Variants in ATP2B1 observed in about 807,000 individuals in gnomAD.
The protein encoded by ATP2B1 is ATPase plasma membrane Ca2+ transporting 1.
In ATP2B1, 14 loss-of-function variants were observed where a neutral mutation model predicts 124.2. That is an observed-to-expected ratio of 0.11 (90% CI 0.07 to 0.18). The LOEUF (loss-of-function observed/expected upper bound fraction) is 0.18, where lower values mean the gene tolerates loss of function less well. Among genes scored for constraint, ATP2B1 ranks in the 10% least tolerant of loss-of-function variants. ATP2B1 has a pLI of 1.00. For missense variants in ATP2B1, 763 were observed against 1,466.1 expected (o/e 0.52, Z 7.83); for synonymous variants, 449 against 492.4 (o/e 0.91, Z 1.17).
chr12:89,685,080 GTATTT>G (rs1565913363), intron 1 of ATP2B1, among the ~76,000 whole-genome samples: 2 of 152,080 alleles, frequency 1.3e-5, no homozygotes, highest in African/African-American at 4.8e-5. Flanking sequence ...CGCCATTGCC[GTATTT>G]TATTGTGACA....
intron 16 of ATP2B1, 107 bp downstream of exon 16, chr12:89,604,048 C>T: frequency 3.6e-6 from 5 of 1,399,090 alleles, no homozygotes; most frequent in Non-Finnish European, 4.8e-6. Context: ...TATTAACTAA[C>T]CTAAAATATT....
chr12:89,654,042 A>T (rs532650057), intron 2 of ATP2B1, among the ~76,000 whole-genome samples: 1 of 152,180 alleles, frequency 6.6e-6, no homozygotes, highest in Non-Finnish European at 1.5e-5. Context: ...GATGATGATA[A>T]AACAATGAGA....
chr12:89,599,395 T>A, intron 19 of ATP2B1, 96 bp from the exon 20 acceptor site: 1 of 1,307,020 alleles, frequency 7.7e-7, no homozygotes, highest in Non-Finnish European at 1.0e-6. Flanking sequence ...GGTGAGAGTA[T>A]CCGACTATCT....
intron 1 of ATP2B1, among the ~76,000 whole-genome samples, chr12:89,698,974 T>C (rs533597176): frequency 4.6e-5 from 7 of 152,306 alleles, no homozygotes; most frequent in Admixed American, 6.5e-5. Flanking sequence ...TCCAGCCTTC[T>C]GCAAGGATGA....
intron 1 of ATP2B1, among the ~76,000 whole-genome samples, chr12:89,702,406 T>C (rs1413831184): frequency 1.3e-5 from 2 of 152,056 alleles, no homozygotes; most frequent in East Asian, 1.9e-4. Context: ...CAAAAGAAAA[T>C]TCTGGCACAA....
chr12:89,612,481 C>T (rs1008121749), intron 12 of ATP2B1, among the ~76,000 whole-genome samples: 4 of 151,828 alleles, frequency 2.6e-5, no homozygotes, highest in African/African-American at 9.7e-5. Flanking sequence ...CTATTTAGCT[C>T]TAGCCTATTT....
intron 3 of ATP2B1, 155 bp downstream of exon 3, chr12:89,642,003 A>T: frequency 1.4e-6 from 1 of 739,006 alleles, no homozygotes; most frequent in South Asian, 1.9e-5. Flanking sequence ...GGTTACTGTG[A>T]AAGTTATCTG....
upstream of ATP2B1, chr12:89,709,157 C>G (rs1892913110): frequency 6.6e-6 from 1 of 150,998 alleles, no homozygotes; most frequent in Non-Finnish European, 1.5e-5. Flanking sequence ...CGGGCAGGGA[C>G]CCCGTCTGCA....
chr12:89,703,302 T>C (rs2062314009), intron 1 of ATP2B1, among the ~76,000 whole-genome samples: 1 of 152,182 alleles, frequency 6.6e-6, no homozygotes, highest in South Asian at 2.1e-4. Flanking sequence ...AGTAGATTGG[T>C]GAACTACACA....
intron 13 of ATP2B1, 158 bp from the exon 14 acceptor site, chr12:89,610,666 C>T: frequency 1.6e-6 from 1 of 626,956 alleles, no homozygotes; most frequent in South Asian, 2.0e-5. Flanking sequence ...GGGCATGGAC[C>T]CAGATCTATC....
At chr12:89,666,532 T>C (rs965141698) in intron 1 of ATP2B1, among the ~76,000 whole-genome samples, 3 of 152,232 alleles carry the variant, frequency 2.0e-5, no homozygotes, top group East Asian at 1.9e-4. Flanking sequence ...TCCTTTCTGA[T>C]CAACACTTGC....
intron 15 of ATP2B1, among the ~76,000 whole-genome samples, chr12:89,605,957 CA>C (rs1224124852): frequency 1.3e-5 from 2 of 151,676 alleles, no homozygotes; most frequent in Admixed American, 6.6e-5. Context: ...AAAACTAAGC[CA>C]AAAAAATTCA....
intron 20 of ATP2B1, among the ~76,000 whole-genome samples, chr12:89,598,345 G>T (rs12099569): frequency 2.0e-5 from 3 of 152,102 alleles, no homozygotes; most frequent in African/African-American, 7.2e-5. Context: ...TTAACTATCA[G>T]AGTTAGCACA....
rs1230611710 is a variant in ATP2B1 at position 89,634,977 on chromosome 12, T to C, written c.661+20A>G. On this transcript the variant is annotated intron_variant, in intron 4 of 20. Transcript: ENST00000428670. Reference sequence around the variant, plus strand: ...ATTTTATGTTTAGTGTCAGATGTACTGCTCTTTTTACTTACTTACCATATT... The same window carrying C: ...ATTTTATGTTTAGTGTCAGATGTACCGCTCTTTTTACTTACTTACCATATT... 5 of 1,613,112 alleles carry C rather than the reference T, an allele frequency of 3.1e-6. No individual in the cohort carries two copies.
chr12:89,620,597 T>C (rs1879797363), intron 10 of ATP2B1, among the ~76,000 whole-genome samples: 1 of 152,210 alleles, frequency 6.6e-6, no homozygotes, highest in Admixed American at 6.5e-5. Flanking sequence ...TAATTTTAAT[T>C]TCCTTTTCCT....
chr12:89,603,542 T>C lies in ATP2B1; in HGVS notation c.2848+170A>G, dbSNP rs546039220. 1.7e-5 allele frequency: 12 copies of C among 710,580 alleles called. No individual in the cohort carries two copies. Among genetic ancestry groups the C allele is most frequent in the East Asian group, 1.1e-4 (4 of 37,026 alleles). 44.0% of individuals were successfully genotyped at this position (710,580 alleles called of 1,614,324 possible). Reference sequence around the variant, plus strand: ...CCTGTTTATTCTACTATCTAGCTTATTGTCCTCCCAAATTTACTAAGCACT... The same window carrying C: ...CCTGTTTATTCTACTATCTAGCTTACTGTCCTCCCAAATTTACTAAGCACT... On this transcript the variant is annotated intron_variant, in intron 17 of 20. Transcript: ENST00000428670. This position sits in a 1 kb window ranked among gnomAD's most constrained non-coding sequence, Gnocchi z 4.3.
In ATP2B1 at chr12:89,591,099, G is replaced by GGAGA; in HGVS notation, c.3544_3547dup (p.Pro1183LeufsTer6). 6.2e-7 allele frequency: 1 copy of GGAGA among 1,613,142 alleles called. No individual in the cohort carries two copies. The highest frequency in any genetic ancestry group is 8.5e-7 in the Non-Finnish European group (1 of 1,179,326). On this transcript the variant is annotated frameshift_variant, in exon 21 of 21. Transcript: ENST00000428670. LOFTEE classifies it high-confidence loss of function. Reference sequence around the variant, plus strand: ...GTCAACAGCATTGTTATTTTTGTTGGGAGAGGGTGGAGGACTGGAGTTACG... The same window carrying GGAGA: ...GTCAACAGCATTGTTATTTTTGTTGGGAGAGAGAGGGTGGAGGACTGGAGTTACG...
chr12:89,652,422 T>A (rs1885376271), intron 2 of ATP2B1, among the ~76,000 whole-genome samples: 1 of 152,192 alleles, frequency 6.6e-6, no homozygotes, highest in Non-Finnish European at 1.5e-5. Context: ...AATGAATGAA[T>A]CAATAAATGA....
At chr12:89,664,241 C>T (rs1011471856) in intron 1 of ATP2B1, among the ~76,000 whole-genome samples, 3 of 152,170 alleles carry the variant, frequency 2.0e-5, no homozygotes, top group Admixed American at 1.3e-4. Flanking sequence ...GAATAGGTGA[C>T]TCACCTCCCT....
Sources: gnomAD v4.1 joint callset for allele counts (sites outside exome capture counted in the v4.1 genomes callset) on GRCh38, gnomAD v4.1.1 for gene constraint, Gnocchi (gnomAD v3.1) non-coding constraint, MANE v1.5 for transcripts, NCBI Gene and HGNC (gene_info 2026-07-23, HGNC 2026-07-21) for gene names.